RIC1: variants seen among roughly 807,000 people sequenced by gnomAD.
RIC1 encodes RIC1 partner of RAB6A GEF complex.
Under a neutral mutation model 169.0 loss-of-function variants are expected in RIC1, and 88 were observed. That is an observed-to-expected ratio of 0.52 (90% CI 0.44 to 0.62). The LOEUF is 0.62. RIC1 is among the 20% of genes least tolerant of loss of function. The pLI, the probability that RIC1 is intolerant of heterozygous loss-of-function variation, is 0.00. For synonymous variants in RIC1, 790 were observed against 601.5 expected (o/e 1.31, Z -4.59); for missense variants, 1,877 against 1,725.5 (o/e 1.09, Z -1.56).
At chr9:5,721,445 C>T (rs1467432390) in intron 6 of RIC1, among the ~76,000 whole-genome samples, 4 of 152,212 alleles carry the variant, frequency 2.6e-5, no homozygotes, top group South Asian at 4.1e-4. Context: ...CCAGCACACA[C>T]GCGCGTGCAC....
chr9:5,767,568 T>C (rs905346485), intron 21 of RIC1, among the ~76,000 whole-genome samples: 2 of 152,156 alleles, frequency 1.3e-5, no homozygotes, highest in Admixed American at 6.6e-5. Flanking sequence ...ATTGAACGTT[T>C]GTTATTGTCA....
intron 12 of RIC1, among the ~76,000 whole-genome samples, chr9:5,750,097 C>T (rs925781611): frequency 6.0e-5 from 9 of 150,482 alleles, no homozygotes; most frequent in African/African-American, 1.8e-4. Flanking sequence ...CCAGCAAGCA[C>T]CAGCCAAGGT....
chr9:5,661,953 T>A (rs1193859190), intron 2 of RIC1, among the ~76,000 whole-genome samples: 1 of 152,250 alleles, frequency 6.6e-6, no homozygotes, highest in Non-Finnish European at 1.5e-5. Flanking sequence ...TTCATTATGA[T>A]ATTGGCTGTG....
At chr9:5,756,103 C>T (rs1215280735) in intron 15 of RIC1, 109 bp from the exon 16 acceptor site, 1 of 551,886 alleles carries the variant, frequency 1.8e-6, no homozygotes, top group Non-Finnish European at 2.8e-6. Context: ...ACTCCTGTTA[C>T]TAAAAAAAAA....
At chr9:5,742,582 C>G (rs1825143878) in intron 8 of RIC1, among the ~76,000 whole-genome samples, 1 of 151,950 alleles carries the variant, frequency 6.6e-6, no homozygotes, top group Admixed American at 6.6e-5. Context: ...AAGCCAAAGA[C>G]TTTTAAGATT....
At position 5,763,232 on chromosome 9, in the gene RIC1, G is replaced by A. The variant is rs1256069230; in HGVS notation, c.2205G>A (p.Glu735=). 1.9e-6 allele frequency: 3 copies of A among 1,614,112 alleles called. No homozygotes were observed. Among genetic ancestry groups the A allele is most frequent in the East Asian group, 4.5e-5 (2 of 44,870 alleles). ...ATAAACAGAAACGTCACCTTCTGGA[G>A]GCCCTCTGGCTGAGCTGTGGTGGTG... ...RANKQKRHLL[E]ALWLSCGGAG... Residue 735 remains glutamate, a synonymous_variant, in exon 19 of 26, where the codon GAG becomes GAA. Coordinates refer to ENST00000414202, the MANE Select transcript of RIC1 (RefSeq NM_020829.4). This position sits in a 1 kb window ranked among gnomAD's most constrained non-coding sequence, Gnocchi z 5.2.
chr9:5,651,235 G>T (rs1818783359), intron 1 of RIC1, among the ~76,000 whole-genome samples: 2 of 152,158 alleles, frequency 1.3e-5, no homozygotes, highest in South Asian at 4.1e-4. Flanking sequence ...GTCGATAAAG[G>T]CCAAGCAAAC....
At chr9:5,643,474 A>T (rs953895169) in intron 1 of RIC1, among the ~76,000 whole-genome samples, 1 of 152,128 alleles carries the variant, frequency 6.6e-6, no homozygotes, top group Non-Finnish European at 1.5e-5. Context: ...CACTATGGCA[A>T]CCCAGCCAGG....
rs1331194238 is a variant in RIC1, at chr9:5,774,976, CTT to C, written c.*731_*732del. On this transcript the variant is annotated 3_prime_UTR_variant, in exon 26 of 26. Coordinates refer to ENST00000414202, the MANE Select transcript of RIC1 (RefSeq NM_020829.4). ...AGAACAGTATCTTTTTGTGAATACT[CTT>C]GTGTAAATATATTCAAAGGCACTGT... 6.6e-6 allele frequency: 1 copy of C among 152,142 alleles called. No individual in the cohort carries two copies. Among genetic ancestry groups the C allele is most frequent in the Non-Finnish European group, 1.5e-5 (1 of 68,026 alleles). 9.4% of individuals were successfully genotyped at this position (152,142 alleles called of 1,614,324 possible). A position where few individuals can be genotyped will look rare whatever the true frequency, so the allele number is the denominator to read the frequency against.
chr9:5,682,916 A>G (rs1352788691), intron 2 of RIC1, among the ~76,000 whole-genome samples: 1 of 151,908 alleles, frequency 6.6e-6, no homozygotes, highest in Non-Finnish European at 1.5e-5. Context: ...CATTCATTTC[A>G]TCTTCCATCG....
intron 8 of RIC1, among the ~76,000 whole-genome samples, chr9:5,739,759 T>C (rs1824953058): frequency 6.6e-6 from 1 of 152,112 alleles, no homozygotes; most frequent in African/African-American, 2.4e-5. Context: ...GGGAAAGCTG[T>C]TTCTTCTGGC....
At chr9:5,662,728 T>G (rs1430068176) in intron 2 of RIC1, among the ~76,000 whole-genome samples, 1 of 152,180 alleles carries the variant, frequency 6.6e-6, no homozygotes, top group African/African-American at 2.4e-5. Flanking sequence ...TCTTCTCTTT[T>G]CTTCTTTATT....
chr9:5,639,739 GT>G (rs779262679), intron 1 of RIC1, among the ~76,000 whole-genome samples: 2 of 152,144 alleles, frequency 1.3e-5, no homozygotes, highest in Non-Finnish European at 2.9e-5. Flanking sequence ...CCCTAATAAT[GT>G]TTGCTTTGTA....
At chr9:5,696,747 A>G (rs1355393842) in intron 3 of RIC1, among the ~76,000 whole-genome samples, 1 of 152,222 alleles carries the variant, frequency 6.6e-6, no homozygotes, top group East Asian at 1.9e-4. Flanking sequence ...TTGCTGGGTC[A>G]TATCACATGT....
intron 1 of RIC1, among the ~76,000 whole-genome samples, chr9:5,655,688 G>A (rs1243116751): frequency 6.6e-6 from 1 of 152,190 alleles, no homozygotes; most frequent in African/African-American, 2.4e-5. Flanking sequence ...TCTGTAGCCT[G>A]TTGATGTGAT....
At chr9:5,727,882 C>A (rs775938307) in intron 6 of RIC1, among the ~76,000 whole-genome samples, 1 of 152,346 alleles carries the variant, frequency 6.6e-6, no homozygotes, top group Middle Eastern at 3.4e-3. Context: ...GCAAATGTTG[C>A]TGCCTGATCC....
chr9:5,633,691 C>G (rs1463558504), intron 1 of RIC1, among the ~76,000 whole-genome samples: 1 of 152,092 alleles, frequency 6.6e-6, no homozygotes, highest in Non-Finnish European at 1.5e-5. Flanking sequence ...ATTAACAGAT[C>G]CACCATCTCA....
intron 2 of RIC1, among the ~76,000 whole-genome samples, chr9:5,668,755 C>T (rs574097834): frequency 6.6e-5 from 10 of 152,074 alleles, no homozygotes; most frequent in African/African-American, 1.7e-4. Context: ...TCCCTTTTAT[C>T]GATATTCTCA....
At chr9:5,686,267 C>T (rs1821215573) in intron 2 of RIC1, among the ~76,000 whole-genome samples, 1 of 151,780 alleles carries the variant, frequency 6.6e-6, no homozygotes, top group South Asian at 2.1e-4. Flanking sequence ...CCCAGCCATC[C>T]CATTACTGGG....
Sources: allele counts gnomAD v4.1 joint callset (sites outside exome capture counted in the v4.1 genomes callset), GRCh38; gene constraint gnomAD v4.1.1; non-coding constraint Gnocchi (gnomAD v3.1); transcripts MANE v1.5; gene names NCBI Gene and HGNC (gene_info 2026-07-23, HGNC 2026-07-21).